The following RAD51B variants were observed in gnomAD, a reference collection of about 807,000 sequenced individuals.
The protein encoded by RAD51B is RAD51 paralog B.
Under a neutral mutation model 42.2 loss-of-function variants are expected in RAD51B, and 38 were observed. That is an observed-to-expected ratio of 0.90 (90% CI 0.70 to 1.18). The LOEUF (loss-of-function observed/expected upper bound fraction) is 1.18, where lower values mean the gene tolerates loss of function less well. Among genes scored for constraint, RAD51B ranks in the 50% most tolerant of loss-of-function variants. RAD51B has a pLI of 0.00. For synonymous variants in RAD51B, 154 were observed against 145.2 expected (o/e 1.06, Z -0.43); for missense variants, 373 against 400.7 (o/e 0.93, Z 0.59).
intron 7 of RAD51B, among the ~76,000 whole-genome samples, chr14:67,917,379 G>A (rs2044188591): frequency 6.6e-6 from 1 of 152,142 alleles, no homozygotes; most frequent in Non-Finnish European, 1.5e-5. Context: ...CATGACAAAA[G>A]CAAGAGCAAG....
intron 7 of RAD51B, among the ~76,000 whole-genome samples, chr14:68,092,932 G>C (rs967698581): frequency 6.7e-6 from 1 of 150,162 alleles, no homozygotes; most frequent in African/African-American, 2.5e-5. Flanking sequence ...TTTGTCAAAG[G>C]CTTTTTCTGC....
chr14:68,205,591 G>A (rs953325933), intron 7 of RAD51B, among the ~76,000 whole-genome samples: 1 of 151,624 alleles, frequency 6.6e-6, no homozygotes, highest in Non-Finnish European at 1.5e-5. Context: ...GTTGTTTTTT[G>A]TGTTGTTTTC....
At chr14:68,093,714 G>A (rs151189256) in intron 7 of RAD51B, among the ~76,000 whole-genome samples, 14 of 152,148 alleles carry the variant, frequency 9.2e-5, no homozygotes, top group East Asian at 1.9e-4. Context: ...GTTCTGCTCC[G>A]ATCTTAGTTA....
intron 7 of RAD51B, among the ~76,000 whole-genome samples, chr14:68,133,052 A>G (rs977282785): frequency 6.6e-6 from 1 of 152,190 alleles, no homozygotes; most frequent in Non-Finnish European, 1.5e-5. Flanking sequence ...AAAAAGAGGG[A>G]TGCTTTTTCC....
At chr14:67,991,365 A>G (rs1382746776) in intron 7 of RAD51B, among the ~76,000 whole-genome samples, 1 of 152,228 alleles carries the variant, frequency 6.6e-6, no homozygotes, top group Non-Finnish European at 1.5e-5. Flanking sequence ...ATTTTATTAA[A>G]AAAACTTTGT....
chr14:67,918,599 T>G (rs2044230590), intron 7 of RAD51B, among the ~76,000 whole-genome samples: 1 of 152,202 alleles, frequency 6.6e-6, no homozygotes, highest in Non-Finnish European at 1.5e-5. Flanking sequence ...CATCTGTTTC[T>G]AAATTGAAAG....
intron 7 of RAD51B, among the ~76,000 whole-genome samples, chr14:68,273,509 T>C (rs997057619): frequency 6.6e-6 from 1 of 152,222 alleles, no homozygotes; most frequent in African/African-American, 2.4e-5. Context: ...GACAGTTGCT[T>C]GGTAAGTACA....
intron 10 of RAD51B, among the ~76,000 whole-genome samples, chr14:68,505,653 C>T (rs1885262351): frequency 6.7e-6 from 1 of 149,548 alleles, no homozygotes; most frequent in Non-Finnish European, 1.5e-5. Flanking sequence ...CTGGTTCAAG[C>T]AATTCCCCTG....
intron 8 of RAD51B, among the ~76,000 whole-genome samples, chr14:68,386,660 A>G (rs1309556225): frequency 1.3e-5 from 2 of 152,116 alleles, no homozygotes; most frequent in Non-Finnish European, 2.9e-5. Flanking sequence ...CTCTAATCCC[A>G]CTGGATTGCA....
intron 10 of RAD51B, among the ~76,000 whole-genome samples, chr14:68,569,058 G>A (rs1889563505): frequency 6.6e-6 from 1 of 152,126 alleles, no homozygotes; most frequent in South Asian, 2.1e-4. Flanking sequence ...AAACAGCTGA[G>A]GCCCAATGTT....
intron 7 of RAD51B, among the ~76,000 whole-genome samples, chr14:67,918,285 A>G (rs2044219274): frequency 6.6e-6 from 1 of 152,102 alleles, no homozygotes; most frequent in Admixed American, 6.6e-5. Flanking sequence ...CCCAGGCCAG[A>G]GTGCAGTGGC....
intron 7 of RAD51B, among the ~76,000 whole-genome samples, chr14:68,235,434 G>A (rs2080228908): frequency 6.6e-6 from 1 of 151,966 alleles, no homozygotes; most frequent in South Asian, 2.1e-4. Flanking sequence ...GCCGGGCGCG[G>A]TGGCTCACGC....
intron 11 of RAD51B, among the ~76,000 whole-genome samples, chr14:68,658,340 C>T (rs1892861993): frequency 6.6e-6 from 1 of 152,230 alleles, no homozygotes; most frequent in South Asian, 2.1e-4. Context: ...CCCTGGGCAG[C>T]ACTGACAGAC....
chr14:67,868,532 C>A (rs1415159346), intron 5 of RAD51B, among the ~76,000 whole-genome samples: 2 of 152,258 alleles, frequency 1.3e-5, no homozygotes, highest in Non-Finnish European at 2.9e-5. Context: ...ATTGCCCAGG[C>A]TTGCTTAGGT....
At chr14:68,081,499 T>A (rs1356268471) in intron 7 of RAD51B, among the ~76,000 whole-genome samples, 1 of 152,234 alleles carries the variant, frequency 6.6e-6, no homozygotes, top group African/African-American at 2.4e-5. Flanking sequence ...CATTTAAGTT[T>A]GGAACCACTT....
rs1239367782 is a variant in RAD51B, at chr14:68,119,407, T to C, written c.757-172477T>C. On this transcript the variant is annotated intron_variant, in intron 7 of 10. Transcript: ENST00000471583. Reference sequence around the variant, plus strand: ...TATGTATACATGTGCCATGCTGGTGTGCTGCACCCATTAACTCGTCATTTA... The same window carrying C: ...TATGTATACATGTGCCATGCTGGTGCGCTGCACCCATTAACTCGTCATTTA... Among the ~76,000 whole-genome samples the C allele has an allele frequency of 6.0e-5, 9 of 150,426 alleles. No individual in the cohort carries two copies. The South Asian group carries it at 1.5e-3, about 25-fold the overall frequency.
intron 7 of RAD51B, among the ~76,000 whole-genome samples, chr14:68,018,410 G>T (rs79623674): frequency 0.036 from 5,414 of 152,218 alleles, 139 homozygotes; most frequent in Non-Finnish European, 0.057. Flanking sequence ...CTTTTTAAAG[G>T]TACTAATTTA....
At chr14:67,995,053 A>G (rs544413711) in intron 7 of RAD51B, among the ~76,000 whole-genome samples, 1 of 152,282 alleles carries the variant, frequency 6.6e-6, no homozygotes, top group South Asian at 2.1e-4. Flanking sequence ...TGTGGTACCT[A>G]GACTGCTTAG....
intron 8 of RAD51B, among the ~76,000 whole-genome samples, chr14:68,363,399 C>T (rs2083071651): frequency 6.6e-6 from 1 of 152,130 alleles, no homozygotes; most frequent in African/African-American, 2.4e-5. Context: ...AGGAATTTTA[C>T]AGATAAACTG....
Sources: gnomAD v4.1 joint callset for allele counts (sites outside exome capture counted in the v4.1 genomes callset) on GRCh38, gnomAD v4.1.1 for gene constraint, MANE v1.5 for transcripts, NCBI Gene and HGNC (gene_info 2026-07-23, HGNC 2026-07-21) for gene names.